Variants in GRIP2 observed in about 807,000 individuals in gnomAD.
GRIP2 encodes glutamate receptor-interacting protein 2.
In GRIP2, 58 loss-of-function variants were observed where a neutral mutation model predicts 108.3. The ratio of observed to expected loss-of-function variants is 0.54; its 90% CI spans 0.43 to 0.67. The LOEUF is 0.67. Ranked by LOEUF, GRIP2 falls within the 30% of genes least tolerant of loss-of-function variation. The probability of loss-of-function intolerance (pLI) is 0.00; values close to 1 mark genes in which losing one functional copy is unlikely to be tolerated. For missense variants in GRIP2, 1,278 were observed against 1,430.6 expected (o/e 0.89, Z 1.72); for synonymous variants, 586 against 598.2 (o/e 0.98, Z 0.30).
intron 3 of GRIP2, among the ~76,000 whole-genome samples, chr3:14,524,936 G>A (rs539466697): frequency 6.6e-6 from 1 of 152,344 alleles, no homozygotes; most frequent in East Asian, 1.9e-4. Flanking sequence ...CAGTGACTGA[G>A]AGGCTAACTC....
the GRIP2 span, among the ~76,000 whole-genome samples, chr3:14,575,365 G>T: frequency 6.6e-6 from 1 of 152,184 alleles, no homozygotes; most frequent in African/African-American, 2.4e-5. Context: ...GGGCCACACT[G>T]GGGTCTAAGA....
At chr3:14,540,393 G>A, upstream of GRIP2, 1 of 1,609,642 alleles carries the variant, frequency 6.2e-7, no homozygotes. This position sits in a 1 kb window ranked among gnomAD's most constrained non-coding sequence, Gnocchi z 4.1. Context: ...GGGAGGGGCT[G>A]TGGGAGGGAA....
chr3:14,571,792 A>G, the GRIP2 span, among the ~76,000 whole-genome samples: 995 of 152,256 alleles, frequency 6.5e-3, 7 homozygotes, highest in African/African-American at 0.019. Flanking sequence ...CAGGATCTGT[A>G]TTTTTAAAGC....
rs904073570 is a variant in GRIP2, at chr3:14,496,682, G to A, written c.2680-122C>T. 24 of 1,355,906 alleles carry A rather than the reference G, an allele frequency of 1.8e-5. No homozygotes were observed. In the South Asian group the frequency reaches 2.8e-4, roughly 16 times the overall value. 84.0% of individuals were successfully genotyped at this position (1,355,906 alleles called of 1,614,324 possible). ...GACAATGGTGAACAGGACAGACATGGTCCCTGCCCATTGGGGCTGGGTCCA... is the reference window on the plus strand; with the variant it reads ...GACAATGGTGAACAGGACAGACATGATCCCTGCCCATTGGGGCTGGGTCCA... On this transcript the variant is annotated intron_variant, in intron 21 of 23. Transcript: ENST00000621039.
At chr3:14,588,968 C>A in the GRIP2 span, among the ~76,000 whole-genome samples, 5 of 152,224 alleles carry the variant, frequency 3.3e-5, no homozygotes, top group Non-Finnish European at 7.3e-5. Context: ...CTCCTCCAGG[C>A]TGTGGTCTCC....
Position 14,512,665 on chromosome 3 carries a change from C to T in GRIP2, c.1720+112G>A, listed in dbSNP as rs568117712. 2.2e-5 allele frequency: 22 copies of T among 1,007,702 alleles called. No homozygotes were observed. In the African/African-American group the frequency reaches 2.4e-4, roughly 11 times the overall value. 62.4% of individuals were successfully genotyped at this position (1,007,702 alleles called of 1,614,324 possible). ...TCCCCACACCCCCAAGCCTTTTCCT[C>T]GGGCCCCGCAGGGTGTCACGCCATG... On this transcript the variant is annotated intron_variant, in intron 14 of 23. Coordinates refer to ENST00000621039, the MANE Select transcript of GRIP2 (RefSeq NM_001080423.4). The surrounding 1 kb of genome is among the most constrained non-coding windows in gnomAD (Gnocchi z 5.1).
At chr3:14,595,796 G>A in the GRIP2 span, among the ~76,000 whole-genome samples, 3 of 152,252 alleles carry the variant, frequency 2.0e-5, no homozygotes, top group South Asian at 2.1e-4. Context: ...CAGCATCCTC[G>A]TGGTGGGGCC....
chr3:14,562,809 G>A, the GRIP2 span, among the ~76,000 whole-genome samples: 5 of 152,206 alleles, frequency 3.3e-5, no homozygotes, highest in Non-Finnish European at 4.4e-5. Flanking sequence ...CATTACGTGC[G>A]CCAGATGGGA....
the GRIP2 span, among the ~76,000 whole-genome samples, chr3:14,599,681 C>G: frequency 0.02 from 2,557 of 130,380 alleles, 41 homozygotes; most frequent in Middle Eastern, 0.064. Flanking sequence ...CTCTCTCTCT[C>G]TCTCTGTGTG....
At chr3:14,562,955 A>T in the GRIP2 span, among the ~76,000 whole-genome samples, 2 of 152,214 alleles carry the variant, frequency 1.3e-5, no homozygotes, top group Non-Finnish European at 2.9e-5. Context: ...AAATGATACC[A>T]CGAGAACATT....
chr3:14,518,636 TCTC>T (rs1209772278), intron 9 of GRIP2, among the ~76,000 whole-genome samples: 13 of 152,118 alleles, frequency 8.5e-5, no homozygotes, highest in African/African-American at 2.9e-4. Flanking sequence ...CCAGGCCAGC[TCTC>T]CTCTTGCGCG....
the GRIP2 span, among the ~76,000 whole-genome samples, chr3:14,598,945 C>G: frequency 2.0e-5 from 3 of 152,138 alleles, 1 homozygote; most frequent in Non-Finnish European, 2.9e-5. Flanking sequence ...TCCAGGGATG[C>G]CTCCCTGATC....
chr3:14,505,904 T>A lies in GRIP2; in HGVS notation c.2399-115A>T. On this transcript the variant is annotated intron_variant, in intron 19 of 23. Coordinates refer to ENST00000621039, the MANE Select transcript of GRIP2 (RefSeq NM_001080423.4). This position sits in a 1 kb window ranked among gnomAD's most constrained non-coding sequence, Gnocchi z 4.2. ...GGAGGTCGTTGCTCCTCTCTGGGCC[T>A]GCATCTACACAGCCCTCTGAGGGCC... 3 of 920,444 alleles carry A rather than the reference T, an allele frequency of 3.3e-6. No homozygotes were observed. Among genetic ancestry groups the A allele is most frequent in the Non-Finnish European group, 4.6e-6 (3 of 648,176 alleles). The allele number at this position is 920,444 out of a possible 1,614,324, so 57.0% of individuals were successfully genotyped here.
chr3:14,492,533 C>A lies in GRIP2; in HGVS notation c.*1132G>T, dbSNP rs1376145832. Reference sequence around the variant, plus strand: ...CCAGATTTCAAGTGGGAATAGACTTCTTTGAATAAGCACTTTGGACACCCT... The same window carrying A: ...CCAGATTTCAAGTGGGAATAGACTTATTTGAATAAGCACTTTGGACACCCT... On this transcript the variant is annotated 3_prime_UTR_variant, in exon 24 of 24. Coordinates refer to ENST00000621039, the MANE Select transcript of GRIP2 (RefSeq NM_001080423.4). 6.6e-6 allele frequency: 1 copy of A among 152,224 alleles called. No individual in the cohort carries two copies. Among genetic ancestry groups the A allele is most frequent in the Admixed American group, 6.5e-5 (1 of 15,286 alleles). 9.4% of individuals were successfully genotyped at this position (152,224 alleles called of 1,614,324 possible).
upstream of GRIP2, among the ~76,000 whole-genome samples, chr3:14,543,957 G>T (rs1413171708): frequency 2.6e-5 from 4 of 152,210 alleles, no homozygotes; most frequent in Non-Finnish European, 5.9e-5. Context: ...CTAGGGTTGG[G>T]AAGACCACGT....
chr3:14,545,844 A>G (rs1043572391), upstream of GRIP2, among the ~76,000 whole-genome samples: 2 of 152,176 alleles, frequency 1.3e-5, no homozygotes, highest in Non-Finnish European at 2.9e-5. Flanking sequence ...AGCACCTACT[A>G]CCTTCCAGAG....
intron 22 of GRIP2, among the ~76,000 whole-genome samples, chr3:14,496,215 A>G (rs1693596656): frequency 6.6e-6 from 1 of 152,230 alleles, no homozygotes; most frequent in African/African-American, 2.4e-5. Context: ...AAGAAAAATA[A>G]TAGCCCAGTG....
rs1355774438 is a variant in GRIP2 at position 14,492,947 on chromosome 3, A to C, written c.*718T>G. The stretch of plus-strand genomic sequence containing the variant: ...AAAGAATCACCCACTTTCAGAATCA[A>C]AGGGCCAGCACTTCCTGGGATCCCA... On this transcript the variant is annotated 3_prime_UTR_variant, in exon 24 of 24. Coordinates refer to ENST00000621039, the MANE Select transcript of GRIP2 (RefSeq NM_001080423.4). 6.6e-6 allele frequency: 1 copy of C among 152,258 alleles called. No individual in the cohort carries two copies. The highest frequency in any genetic ancestry group is 1.5e-5 in the Non-Finnish European group (1 of 68,056). 9.4% of individuals were successfully genotyped at this position (152,258 alleles called of 1,614,324 possible).
Position 14,489,460 on chromosome 3 carries a change from A to G in GRIP2, c.*4205T>C, listed in dbSNP as rs182409559. 1 of 152,626 alleles carries G rather than the reference A, an allele frequency of 6.6e-6. No individual in the cohort carries two copies. The highest frequency in any genetic ancestry group is 2.4e-5 in the African/African-American group (1 of 41,520). 9.5% of individuals were successfully genotyped at this position (152,626 alleles called of 1,614,324 possible). ...CCCAGGACGCTCCTCAAAGGTAGGT[A>G]TTTTCCCAGGTTAGAGGTTCCCACA... On this transcript the variant is annotated 3_prime_UTR_variant, in exon 24 of 24. Coordinates refer to ENST00000621039, the MANE Select transcript of GRIP2 (RefSeq NM_001080423.4).
Sources: allele counts gnomAD v4.1 joint callset (sites outside exome capture counted in the v4.1 genomes callset), GRCh38; gene constraint gnomAD v4.1.1; non-coding constraint Gnocchi (gnomAD v3.1); transcripts MANE v1.5; gene names NCBI Gene and HGNC (gene_info 2026-07-23, HGNC 2026-07-21).